Variants in PDZD8 observed in about 807,000 individuals in gnomAD.
PDZD8 encodes PDZ domain containing 8, also known as PDZ domain-containing protein 8.
Under a neutral mutation model 85.8 loss-of-function variants are expected in PDZD8, and 14 were observed. The ratio of observed to expected loss-of-function variants is 0.16; its 90% CI spans 0.11 to 0.26. The LOEUF (loss-of-function observed/expected upper bound fraction) is 0.26, where lower values mean the gene tolerates loss of function less well. Ranked by LOEUF, PDZD8 falls within the 10% of genes least tolerant of loss-of-function variation. The pLI, the probability that PDZD8 is intolerant of heterozygous loss-of-function variation, is 1.00. For synonymous variants in PDZD8, 592 were observed against 568.6 expected (o/e 1.04, Z -0.59); for missense variants, 1,197 against 1,424.3 (o/e 0.84, Z 2.57).
intron 2 of PDZD8, among the ~76,000 whole-genome samples, chr10:117,332,695 T>TG (rs1844440144): frequency 2.0e-5 from 3 of 151,464 alleles, no homozygotes; most frequent in Non-Finnish European, 1.5e-5. Context: ...TTAGCAGAAA[T>TG]GGGGTTTCTC....
chr10:117,310,985 T>C (rs1014088925), intron 3 of PDZD8, among the ~76,000 whole-genome samples: 2 of 152,200 alleles, frequency 1.3e-5, no homozygotes, highest in Non-Finnish European at 2.9e-5. Context: ...TGTATGTACA[T>C]TCAACAATAC....
At chr10:117,317,690 A>G (rs1015782690) in intron 3 of PDZD8, among the ~76,000 whole-genome samples, 1 of 152,230 alleles carries the variant, frequency 6.6e-6, no homozygotes, top group African/African-American at 2.4e-5. Context: ...GTAGTTATGT[A>G]TTTCAAAACA....
rs774753247 is a variant in PDZD8, at chr10:117,290,238, C to T, written c.1209G>A (p.Ser403=). 3.3e-5 allele frequency: 53 copies of T among 1,613,866 alleles called. No individual in the cohort carries two copies. The East Asian group carries it at 4.2e-4, about 13-fold the overall frequency. ...GCTGAAGATCTGCAATTGCAGCAGG[C>T]GAGTTTGGAGCCACAGTTTCAATGA... ...HVIIETVAPN[S]PAAIADLQRG... The change falls in exon 4 of 5, where the codon TCG becomes TCA. Residue 403 remains serine (S), a synonymous_variant. Transcript: ENST00000334464.
intron 2 of PDZD8, among the ~76,000 whole-genome samples, chr10:117,336,463 C>T (rs1844516606): frequency 6.6e-6 from 1 of 151,972 alleles, no homozygotes; most frequent in Non-Finnish European, 1.5e-5. Flanking sequence ...TTAATAATAC[C>T]ATCCTTTACT....
At chr10:117,302,990 G>T (rs1295443486) in intron 3 of PDZD8, among the ~76,000 whole-genome samples, 2 of 152,152 alleles carry the variant, frequency 1.3e-5, no homozygotes, top group African/African-American at 2.4e-5. Flanking sequence ...GCATGAAAAT[G>T]GACTAATACA....
chr10:117,297,226 C>T (rs890740813), intron 3 of PDZD8, among the ~76,000 whole-genome samples: 2 of 152,022 alleles, frequency 1.3e-5, no homozygotes, highest in Non-Finnish European at 2.9e-5. Context: ...ATACTACATA[C>T]CTACTAGAAT....
At chr10:117,297,390 C>A (rs1203339803) in intron 3 of PDZD8, among the ~76,000 whole-genome samples, 2 of 152,126 alleles carry the variant, frequency 1.3e-5, no homozygotes, top group African/African-American at 2.4e-5. Flanking sequence ...TAGGACCCAG[C>A]AATCCTACTT....
chr10:117,332,088 G>A (rs1422010284), intron 2 of PDZD8, among the ~76,000 whole-genome samples: 1 of 152,070 alleles, frequency 6.6e-6, no homozygotes, highest in Non-Finnish European at 1.5e-5. Flanking sequence ...AATCTTTACA[G>A]GAACTTGGTT....
At chr10:117,315,587 CAAA>C (rs35866840) in intron 3 of PDZD8, among the ~76,000 whole-genome samples, 1 of 42,102 alleles carries the variant, frequency 2.4e-5, no homozygotes. Flanking sequence ...TAGACTCTCT[CAAA>C]AAAAAAAAAA....
rs552637857 is a variant in PDZD8 at position 117,320,299 on chromosome 10, C to CT, written c.996-1326dup. ...AGAGTAAACTACCTAAGGGCCTTTA[C>CT]TATCAGGCAGACAAAACTGCACCAG... On this transcript the variant is annotated intron_variant, in intron 2 of 4. Transcript: ENST00000334464. Among the ~76,000 whole-genome samples the CT allele has an allele frequency of 7.5e-4, 114 of 152,230 alleles. 1 individual carries two copies. Among genetic ancestry groups the CT allele is most frequent in the Admixed American group, 1.4e-3 (21 of 15,276 alleles).
At position 117,285,817 on chromosome 10, in the gene PDZD8, G is replaced by C. The variant is rs868418574; in HGVS notation, c.1262-346C>G. ...AGTTTGAACTGAAGAAGTGAACAGA[G>C]AGAGATCTATTTAAAGGATTCTATT... is the stretch of plus-strand genomic sequence containing the variant. On this transcript the variant is annotated intron_variant, in intron 4 of 4. Coordinates refer to ENST00000334464, the MANE Select transcript of PDZD8 (RefSeq NM_173791.5). The C allele has an allele frequency of 3.6e-5, 31 of 872,270 alleles. No individual in the cohort carries two copies. In the African/African-American group the frequency reaches 5.1e-4, roughly 14 times the overall value. The allele number at this position is 872,270 out of a possible 1,614,324, so 54.0% of individuals were successfully genotyped here.
At chr10:117,288,091 C>A (rs1381811912) in intron 4 of PDZD8, among the ~76,000 whole-genome samples, 1 of 152,092 alleles carries the variant, frequency 6.6e-6, no homozygotes, top group Non-Finnish European at 1.5e-5. Context: ...ATACACCATT[C>A]AAGTCTGGAT....
chr10:117,343,526 CTGTT>C (rs1339353595), intron 1 of PDZD8, among the ~76,000 whole-genome samples: 5 of 150,266 alleles, frequency 3.3e-5, no homozygotes, highest in African/African-American at 1.2e-4. Flanking sequence ...AAACATATAA[CTGTT>C]AGTTTGTAAA....
chr10:117,307,773 T>C (rs1302601577), intron 3 of PDZD8, among the ~76,000 whole-genome samples: 2 of 152,076 alleles, frequency 1.3e-5, no homozygotes, highest in Non-Finnish European at 2.9e-5. Flanking sequence ...ACACAATAAC[T>C]AATGAAAATA....
intron 1 of PDZD8, among the ~76,000 whole-genome samples, chr10:117,366,755 G>A (rs1845097800): frequency 6.6e-6 from 1 of 152,194 alleles, no homozygotes; most frequent in African/African-American, 2.4e-5. Context: ...TAGAGCATGA[G>A]CTCTGGAAGT....
chr10:117,284,988 G>A lies in PDZD8; in HGVS notation c.1745C>T (p.Thr582Ile). ...AGGTGGTTTGAAAGCAGATCCTTGGGTTGGTTTTGACACTTGTGCTGGGTC... is the reference window on the plus strand; with the variant it reads ...AGGTGGTTTGAAAGCAGATCCTTGGATTGGTTTTGACACTTGTGCTGGGTC... ...ITDPAQVSKP[T>I]QGSAFKPPVP... is the part of the protein sequence containing the mutation. The change falls in exon 5 of 5, where the codon ACC becomes ATC. Residue 582 changes from threonine (T) to isoleucine (I), a missense_variant. By Grantham distance (89) the Thr-to-Ile change is moderately conservative. This residue lies in a region of PDZD8 where 263 missense variants were observed against 261.9 expected (regional missense o/e 1.00). Transcript: ENST00000334464. The A allele has an allele frequency of 6.2e-7, 1 of 1,614,116 alleles. No individual in the cohort carries two copies. The highest frequency in any genetic ancestry group is 8.5e-7 in the Non-Finnish European group (1 of 1,180,022).
At chr10:117,363,117 C>A (rs1845025470) in intron 1 of PDZD8, among the ~76,000 whole-genome samples, 1 of 151,998 alleles carries the variant, frequency 6.6e-6, no homozygotes, top group Non-Finnish European at 1.5e-5. Flanking sequence ...ATGAAATTTG[C>A]TATAACAGAA....
At chr10:117,354,350 C>A (rs7922754) in intron 1 of PDZD8, among the ~76,000 whole-genome samples, 8 of 152,172 alleles carry the variant, frequency 5.3e-5, no homozygotes, top group Non-Finnish European at 1.2e-4. Context: ...AAGTTCGTGG[C>A]TTGTTATAAG....
In PDZD8 at chr10:117,284,052, G is replaced by A; in HGVS notation, c.2681C>T (p.Thr894Ile). The change falls in exon 5 of 5, where the codon ACT becomes ATT. Residue 894 changes from threonine to isoleucine, a missense_variant. Physicochemically the swap from Thr to Ile is moderately conservative, Grantham distance 89. Transcript: ENST00000334464. The part of the protein sequence containing the change: ...CLAETSVCGA[T>I]DRRIDRTLKN... ...CAGTGTCCTGTCTATTCGCCTATCA[G>A]TTGCTCCACAAACAGAAGTCTCAGC... is the stretch of plus-strand genomic sequence containing the variant. 1 of 1,614,146 alleles carries A rather than the reference G, an allele frequency of 6.2e-7. No individual in the cohort carries two copies. The highest frequency in any genetic ancestry group is 2.2e-5 in the East Asian group (1 of 44,874).
Sources: gnomAD v4.1 joint callset for allele counts (sites outside exome capture counted in the v4.1 genomes callset) on GRCh38, gnomAD v4.1.1 for gene constraint, gnomAD v4.1.1 regional missense constraint, MANE v1.5 for transcripts, NCBI Gene and HGNC (gene_info 2026-07-23, HGNC 2026-07-21) for gene names.